MGAT4A: variants seen among roughly 807,000 people sequenced by gnomAD.
MGAT4A encodes alpha-1,3-mannosyl-glycoprotein 4-beta-N-acetylglucosaminyltransferase A.
In MGAT4A, 33 loss-of-function variants were observed where a neutral mutation model predicts 74.1. The observed-to-expected ratio is 0.45, with a 90% confidence interval of 0.34 to 0.60. MGAT4A has a LOEUF of 0.60. Ranked by LOEUF, MGAT4A falls within the 20% of genes least tolerant of loss-of-function variation. MGAT4A has a pLI of 0.02. For synonymous variants in MGAT4A, 198 were observed against 210.4 expected (o/e 0.94, Z 0.51); for missense variants, 479 against 628.3 (o/e 0.76, Z 2.54).
chr2:98,702,448 C>T (rs975183107), intron 2 of MGAT4A, among the ~76,000 whole-genome samples: 1 of 152,188 alleles, frequency 6.6e-6, no homozygotes, highest in Non-Finnish European at 1.5e-5. Flanking sequence ...CTGTAGGGGG[C>T]TTATAAAGCT....
chr2:98,661,652 A>C (rs930161397), intron 5 of MGAT4A, among the ~76,000 whole-genome samples: 1 of 152,190 alleles, frequency 6.6e-6, no homozygotes. Flanking sequence ...GGCTATTTTA[A>C]GTTCATTAAT....
chr2:98,691,598 C>T (rs1215158128), intron 2 of MGAT4A, among the ~76,000 whole-genome samples: 1 of 152,148 alleles, frequency 6.6e-6, no homozygotes, highest in Admixed American at 6.5e-5. Flanking sequence ...CTAGCACATA[C>T]AATTATGTAC....
chr2:98,661,103 CT>C (rs1207631382), intron 5 of MGAT4A, among the ~76,000 whole-genome samples: 1 of 152,084 alleles, frequency 6.6e-6, no homozygotes, highest in African/African-American at 2.4e-5. Flanking sequence ...GGCAAAGGAC[CT>C]GAACAGACAT....
chr2:98,709,438 T>C (rs1204516301), intron 2 of MGAT4A, among the ~76,000 whole-genome samples: 1 of 152,104 alleles, frequency 6.6e-6, no homozygotes, highest in Non-Finnish European at 1.5e-5. Context: ...TTAGGGAGAA[T>C]GTTGCAGAAT....
At chr2:98,684,218 T>G (rs780852565) in intron 2 of MGAT4A, among the ~76,000 whole-genome samples, 1 of 152,238 alleles carries the variant, frequency 6.6e-6, no homozygotes. Context: ...CAAATTAATA[T>G]GTTTGATAAT....
chr2:98,671,874 G>C (rs1701915314), intron 4 of MGAT4A, among the ~76,000 whole-genome samples: 1 of 145,188 alleles, frequency 6.9e-6, no homozygotes, highest in African/African-American at 2.5e-5. Flanking sequence ...AGAGGGTCAT[G>C]GTCAGAGAGA....
At chr2:98,713,558 T>G (rs1702547437) in intron 2 of MGAT4A, among the ~76,000 whole-genome samples, 1 of 151,878 alleles carries the variant, frequency 6.6e-6, no homozygotes, top group Non-Finnish European at 1.5e-5. Flanking sequence ...GGTCAGGAGT[T>G]CCAGACCAGC....
rs775786583 is a variant in MGAT4A, at chr2:98,663,031, CAATT to C, written c.537+11_537+14del. On this transcript the variant is annotated intron_variant, in intron 5 of 15. Coordinates refer to ENST00000393487, the MANE Select transcript of MGAT4A (RefSeq NM_012214.3). Reference sequence around the variant, plus strand: ...GCTATATTTGGTAAAAACATAACAACAATTAAATAATTACCTCTCCTATGAAGAC... The same window carrying C: ...GCTATATTTGGTAAAAACATAACAACAAATAATTACCTCTCCTATGAAGAC... 2 of 1,467,628 alleles carry C rather than the reference CAATT, an allele frequency of 1.4e-6. No individual in the cohort carries two copies. The highest frequency in any genetic ancestry group is 1.8e-6 in the Non-Finnish European group (2 of 1,094,972). The allele number at this position is 1,467,628 out of a possible 1,614,324, so 90.9% of individuals were successfully genotyped here. A position where few individuals can be genotyped will look rare whatever the true frequency, so the allele number is the denominator to read the frequency against.
Position 98,624,790 on chromosome 2 carries a change from T to C in MGAT4A, c.*776A>G. ...CATTGAAAATTTATCAGACTGACTT[T>C]CTGTGGCTATACACCATACACAGTA... On this transcript the variant is annotated 3_prime_UTR_variant, in exon 16 of 16. Coordinates refer to ENST00000393487, the MANE Select transcript of MGAT4A (RefSeq NM_012214.3). 1.7e-5 allele frequency: 17 copies of C among 985,106 alleles called. No homozygotes were observed. Among genetic ancestry groups the C allele is most frequent in the Non-Finnish European group, 1.9e-5 (16 of 829,194 alleles). The allele number at this position is 985,106 out of a possible 1,614,324, so 61.0% of individuals were successfully genotyped here.
rs556193301 is a variant in MGAT4A, at chr2:98,651,594, C to T, written c.774+3851G>A. Among the ~76,000 whole-genome samples, 32 of 152,070 alleles carry T rather than the reference C, an allele frequency of 2.1e-4. No homozygotes were observed. In the South Asian group the frequency reaches 5.2e-3, roughly 25 times the overall value. ...AGGAAATAGAAAGGGAATCAAAATACGTCACTATTTTAAAAAATCAACGAA... is the reference window on the plus strand; with the variant it reads ...AGGAAATAGAAAGGGAATCAAAATATGTCACTATTTTAAAAAATCAACGAA... On this transcript the variant is annotated intron_variant, in intron 8 of 15. Transcript: ENST00000393487.
At position 98,639,814 on chromosome 2, in the gene MGAT4A, A is replaced by G; in HGVS notation, c.1316T>C (p.Val439Ala). ...ILFKFDKPVNVESYLFHSGNQ... is the reference protein window; with the variant it reads ...ILFKFDKPVNAESYLFHSGNQ... ...CATTTCAATAATCACCAACCTTTCT[A>G]CATTGACTGGTTTATCAAATTTAAA... Residue 439 changes from valine to alanine, a missense_variant, in exon 12 of 16, where the codon GTA (valine) becomes GCA (alanine). Coordinates refer to ENST00000393487, the MANE Select transcript of MGAT4A (RefSeq NM_012214.3). 1.2e-6 allele frequency: 2 copies of G among 1,609,640 alleles called. No individual in the cohort carries two copies. Among genetic ancestry groups the G allele is most frequent in the Non-Finnish European group, 1.7e-6 (2 of 1,177,154 alleles).
intron 2 of MGAT4A, among the ~76,000 whole-genome samples, chr2:98,681,044 G>A (rs1187861875): frequency 2.0e-5 from 3 of 152,110 alleles, no homozygotes; most frequent in South Asian, 4.1e-4. Flanking sequence ...GTGCAGTGGC[G>A]CGATCTCAGC....
chr2:98,660,995 G>T (rs1361021467), intron 5 of MGAT4A, among the ~76,000 whole-genome samples: 1 of 152,158 alleles, frequency 6.6e-6, no homozygotes, highest in African/African-American at 2.4e-5. Context: ...TGGGTTAGGA[G>T]AAAATATCTG....
Position 98,667,695 on chromosome 2 carries a change from T to TG in MGAT4A, c.404-4517_404-4516insC, listed in dbSNP as rs1559164156. Among the ~76,000 whole-genome samples the TG allele has an allele frequency of 4.7e-5, 7 of 148,202 alleles. No individual in the cohort carries two copies. In the South Asian group the frequency reaches 1.3e-3, roughly 27 times the overall value. ...TTGGGTGCTGTTAAAGGCATTCAGTTTTTGTTGTTGTTGTTGTTGTTGTTG... is the reference window on the plus strand; with the variant it reads ...TTGGGTGCTGTTAAAGGCATTCAGTTGTTTGTTGTTGTTGTTGTTGTTGTTG... On this transcript the variant is annotated intron_variant, in intron 4 of 15. Coordinates refer to ENST00000393487, the MANE Select transcript of MGAT4A (RefSeq NM_012214.3).
chr2:98,702,066 T>C (rs141290520), intron 2 of MGAT4A, among the ~76,000 whole-genome samples: 211 of 152,290 alleles, frequency 1.4e-3, no homozygotes, highest in African/African-American at 4.8e-3. Flanking sequence ...GTTGGTGCTC[T>C]GGAAAGCAAG....
chr2:98,661,891 T>C (rs1053765478), intron 5 of MGAT4A, among the ~76,000 whole-genome samples: 1 of 151,672 alleles, frequency 6.6e-6, no homozygotes, highest in Non-Finnish European at 1.5e-5. Context: ...AGGCAAGTCA[T>C]ATTATTCTTG....
At chr2:98,638,491 C>T (rs761594435) in intron 12 of MGAT4A, among the ~76,000 whole-genome samples, 15 of 152,218 alleles carry the variant, frequency 9.9e-5, no homozygotes, top group Non-Finnish European at 1.9e-4. Flanking sequence ...CATTCCACTG[C>T]GTGGCAATAT....
In MGAT4A at chr2:98,639,946, T is replaced by TC; in HGVS notation, c.1183dup (p.Glu395GlyfsTer38). 6.2e-7 allele frequency: 1 copy of TC among 1,614,070 alleles called. No individual in the cohort carries two copies. The highest frequency in any genetic ancestry group is 8.5e-7 in the Non-Finnish European group (1 of 1,179,972). The stretch of plus-strand genomic sequence containing the variant: ...GTAGACCTTCAAGGAAGTAGATACC[T>TC]CCGCAGGTGGGTTTACATGGATTTT... On this transcript the variant is annotated frameshift_variant, in exon 12 of 16. Transcript: ENST00000393487. LOFTEE classifies it high-confidence loss of function.
intron 2 of MGAT4A, among the ~76,000 whole-genome samples, chr2:98,684,185 CAT>C (rs1329246078): frequency 6.6e-6 from 1 of 152,154 alleles, no homozygotes; most frequent in Non-Finnish European, 1.5e-5. Context: ...TTCACTTTAA[CAT>C]AACAGATGAA....
Sources: gnomAD v4.1 joint callset for allele counts (sites outside exome capture counted in the v4.1 genomes callset) on GRCh38, gnomAD v4.1.1 for gene constraint, MANE v1.5 for transcripts, NCBI Gene and HGNC (gene_info 2026-07-23, HGNC 2026-07-21) for gene names.